Variants in ICE1 observed in about 807,000 individuals in gnomAD.
The protein encoded by ICE1 is little elongation complex subunit 1.
In ICE1, 64 loss-of-function variants were observed where a neutral mutation model predicts 192.7. The ratio of observed to expected loss-of-function variants is 0.33; its 90% CI spans 0.27 to 0.41. ICE1 has a LOEUF of 0.41. Among genes scored for constraint, ICE1 ranks in the 10% least tolerant of loss-of-function variants. ICE1 has a pLI of 1.00. For synonymous variants in ICE1, 1,010 were observed against 984.5 expected, an observed-to-expected ratio of 1.03 and a Z score of -0.49; for missense variants, 2,708 against 2,696.0, an observed-to-expected ratio of 1.00 and a Z score of -0.10.
chr5:5,461,524 A>G lies in ICE1; in HGVS notation c.2190A>G (p.Lys730=). 6.2e-7 allele frequency: 1 copy of G among 1,613,312 alleles called. No individual in the cohort carries two copies. Among genetic ancestry groups the G allele is most frequent in the African/African-American group, 1.3e-5 (1 of 75,052 alleles). ...GGATAGAATATACAAAAGTAGTAAA[A>G]GGCTTGACCAAAATACATTCACTTC... ...SSGIEYTKVV[K]GLTKIHSLPR... Residue 730 remains lysine, a synonymous_variant, in exon 13 of 19, where the codon AAA becomes AAG. Transcript: ENST00000296564.
rs1739235299 is a variant in ICE1, at chr5:5,473,876, CTG to C, written c.6413+130_6413+131del. The C allele has an allele frequency of 1.5e-5, 10 of 650,394 alleles. No individual in the cohort carries two copies. The Admixed American group carries it at 1.9e-4, about 12-fold the overall frequency. 40.3% of individuals were successfully genotyped at this position (650,394 alleles called of 1,614,324 possible). Reference sequence around the variant, plus strand: ...GCAGATGAAACATTTACAAATTACACTGTTTTTATTTTATAAGAGTTAATAAA... The same window carrying C: ...GCAGATGAAACATTTACAAATTACACTTTTTATTTTATAAGAGTTAATAAA... On this transcript the variant is annotated intron_variant, in intron 16 of 18. Coordinates refer to ENST00000296564, the MANE Select transcript of ICE1 (RefSeq NM_015325.3).
intron 1 of ICE1, among the ~76,000 whole-genome samples, chr5:5,432,490 T>C (rs973817999): frequency 6.6e-6 from 1 of 152,216 alleles, no homozygotes; most frequent in African/African-American, 2.4e-5. Context: ...GCTATAAATA[T>C]CAGTGTGTAA....
At position 5,484,345 on chromosome 5, in the gene ICE1, C is replaced by T. The variant is rs541418908; in HGVS notation, c.6521-2376C>T. Reference sequence around the variant, plus strand: ...AACATGATGATATATTTCCTGGGAACGCATGCACATCCCATGATTGAGTAA... The same window carrying T: ...AACATGATGATATATTTCCTGGGAATGCATGCACATCCCATGATTGAGTAA... On this transcript the variant is annotated intron_variant, in intron 17 of 18. Coordinates refer to ENST00000296564, the MANE Select transcript of ICE1 (RefSeq NM_015325.3). 5.9e-5 allele frequency among the ~76,000 whole-genome samples: 9 copies of T among 152,274 alleles called. No individual in the cohort carries two copies. The South Asian group carries it at 6.2e-4, about 11-fold the overall frequency.
chr5:5,464,704 C>T lies in ICE1; in HGVS notation c.5370C>T (p.Ala1790=), dbSNP rs1024856120. Residue 1790 remains alanine (A), a synonymous_variant, in exon 13 of 19, where the codon GCC becomes GCT. Transcript: ENST00000296564. The surrounding 1 kb of genome is among the most constrained non-coding windows in gnomAD (Gnocchi z 4.0). ...PADCKNLPGP[A]SAMIGFKTIT... ...ACTGTAAGAATTTACCGGGACCTGC[C>T]AGTGCTATGATAGGATTCAAAACGA... is the stretch of plus-strand genomic sequence containing the variant. The T allele has an allele frequency of 5.0e-6, 8 of 1,613,942 alleles. No individual in the cohort carries two copies. Among genetic ancestry groups the T allele is most frequent in the Non-Finnish European group, 6.8e-6 (8 of 1,179,874 alleles).
intron 2 of ICE1, 79 bp downstream of exon 2, chr5:5,436,555 C>T (rs1737878108): frequency 1.3e-6 from 1 of 755,248 alleles, no homozygotes; most frequent in Non-Finnish European, 2.0e-6. Flanking sequence ...TTTTAGGCCC[C>T]CAGGGCTGGA....
At chr5:5,480,170 T>C (rs898760208) in intron 17 of ICE1, among the ~76,000 whole-genome samples, 1 of 152,168 alleles carries the variant, frequency 6.6e-6, no homozygotes, top group African/African-American at 2.4e-5. Flanking sequence ...AAAACAAGCT[T>C]CATCCAATTT....
Position 5,460,858 on chromosome 5 carries a change from A to G in ICE1, c.1524A>G (p.Leu508=), listed in dbSNP as rs759203180. ...CCATTCATAAACTCACTCGAGGTCT[A>G]TGCATTGAGAGATTGTCTGCCAGCC... ...EKTIHKLTRG[L]CIERLSASPA... The change falls in exon 13 of 19, where the codon CTA becomes CTG. Residue 508 remains leucine (L), a synonymous_variant. Transcript: ENST00000296564. The G allele has an allele frequency of 1.9e-6, 3 of 1,614,062 alleles. No individual in the cohort carries two copies. The highest frequency in any genetic ancestry group is 2.5e-6 in the Non-Finnish European group (3 of 1,179,908).
rs1176638178 is a variant in ICE1 at position 5,489,131 on chromosome 5, T to C, written c.6620-18T>C. 6.8e-6 allele frequency: 11 copies of C among 1,609,346 alleles called. No individual in the cohort carries two copies. The highest frequency in any genetic ancestry group is 9.3e-6 in the Non-Finnish European group (11 of 1,177,934). Reference sequence around the variant, plus strand: ...AGATATTTTCTTGTTTTATGACTGATCTGAAATTTCTTTTCAGATATACCA... The same window carrying C: ...AGATATTTTCTTGTTTTATGACTGACCTGAAATTTCTTTTCAGATATACCA... On this transcript the variant is annotated intron_variant, in intron 18 of 18. Transcript: ENST00000296564.
chr5:5,444,420 G>C, intron 7 of ICE1, 94 bp downstream of exon 7: 1 of 893,566 alleles, frequency 1.1e-6, no homozygotes, highest in Non-Finnish European at 1.8e-6. Flanking sequence ...TAGTTGAATT[G>C]TTATGGTTTT....
chr5:5,447,939 C>A, intron 10 of ICE1, 42 bp downstream of exon 10: 2 of 1,449,258 alleles, frequency 1.4e-6, no homozygotes, highest in South Asian at 1.2e-5. Context: ...GTGTATTGCT[C>A]TTAGTGGGTT....
At chr5:5,472,568 A>G (rs904742121) in intron 15 of ICE1, among the ~76,000 whole-genome samples, 5 of 152,318 alleles carry the variant, frequency 3.3e-5, no homozygotes, top group African/African-American at 4.8e-5. Context: ...AATATTTACC[A>G]TTCTGGCTGA....
chr5:5,441,026 G>A (rs777552378), intron 4 of ICE1, 86 bp from the exon 5 acceptor site: 1 of 792,446 alleles, frequency 1.3e-6, no homozygotes, highest in Non-Finnish European at 2.0e-6. Context: ...TTCCAAGTTA[G>A]CAATAAAATC....
chr5:5,465,293 G>C (rs947705549), intron 13 of ICE1, 67 bp downstream of exon 13: 7 of 1,165,896 alleles, frequency 6.0e-6, no homozygotes, highest in Non-Finnish European at 7.2e-6. Flanking sequence ...GCTGTTTACT[G>C]TCAGCAAAAT....
intron 16 of ICE1, among the ~76,000 whole-genome samples, chr5:5,474,315 C>T (rs1256652001): frequency 6.6e-6 from 1 of 151,968 alleles, no homozygotes; most frequent in Non-Finnish European, 1.5e-5. Context: ...CTGCTATTGT[C>T]ATCTCTCTCC....
chr5:5,424,087 C>G (rs1396483297), intron 1 of ICE1, among the ~76,000 whole-genome samples: 1 of 152,020 alleles, frequency 6.6e-6, no homozygotes, highest in Non-Finnish European at 1.5e-5. Context: ...TGGAAAGGTT[C>G]CTTTGGTGAG....
intron 1 of ICE1, among the ~76,000 whole-genome samples, chr5:5,435,477 A>G (rs748883580): frequency 6.6e-6 from 1 of 152,288 alleles, no homozygotes; most frequent in African/African-American, 2.4e-5. Context: ...TATTGTGGTT[A>G]TGTTTAAAAG....
At chr5:5,465,629 G>C (rs1373694079) in intron 13 of ICE1, among the ~76,000 whole-genome samples, 1 of 152,052 alleles carries the variant, frequency 6.6e-6, no homozygotes, top group East Asian at 1.9e-4. Flanking sequence ...AGGGAAAAAA[G>C]GGATGGTTTA....
At chr5:5,424,062 A>G (rs190088103) in intron 1 of ICE1, among the ~76,000 whole-genome samples, 1 of 152,308 alleles carries the variant, frequency 6.6e-6, no homozygotes, top group East Asian at 1.9e-4. Context: ...CTTCCTGGAT[A>G]GAGGGATTAA....
chr5:5,427,534 T>G (rs1299057964), intron 1 of ICE1, among the ~76,000 whole-genome samples: 1 of 152,218 alleles, frequency 6.6e-6, no homozygotes, highest in Non-Finnish European at 1.5e-5. Flanking sequence ...ATCTCATGTA[T>G]CTAGATTAGA....
Sources: gnomAD v4.1 joint callset for allele counts (sites outside exome capture counted in the v4.1 genomes callset) on GRCh38, gnomAD v4.1.1 for gene constraint, Gnocchi (gnomAD v3.1) non-coding constraint, MANE v1.5 for transcripts, NCBI Gene and HGNC (gene_info 2026-07-23, HGNC 2026-07-21) for gene names.